TRNT1: variants seen among roughly 807,000 people sequenced by gnomAD.
The protein encoded by TRNT1 is tRNA nucleotidyl transferase 1, also known as CCA tRNA nucleotidyltransferase 1, mitochondrial.
Under a neutral mutation model 45.6 loss-of-function variants are expected in TRNT1, and 44 were observed. The observed-to-expected ratio is 0.97, with a 90% CI of 0.76 to 1.24. The LOEUF (loss-of-function observed/expected upper bound fraction) is 1.24. Among genes scored for constraint, TRNT1 ranks in the 50% most tolerant of loss-of-function variants. TRNT1 has a pLI of 0.00. For missense variants in TRNT1, 633 were observed against 504.4 expected (o/e 1.25, Z -2.44); for synonymous variants, 201 against 171.4 (o/e 1.17, Z -1.35).
downstream of TRNT1, chr3:3,150,443 G>T (rs1186399046): frequency 6.0e-6 from 1 of 166,376 alleles, no homozygotes; most frequent in African/African-American, 2.4e-5. Context: ...GTTATTTAGA[G>T]CACTGGTACA....
rs955065025 is a variant in TRNT1, at chr3:3,148,706, C to G, written c.*552C>G. The stretch of plus-strand genomic sequence containing the variant: ...ACAGGATTTGTTCTAGCAAGCTATG[C>G]TTCAGTATGTGGTTGATATTTTTCT... On this transcript the variant is annotated 3_prime_UTR_variant, in exon 8 of 8. Coordinates refer to ENST00000251607, the MANE Select transcript of TRNT1 (RefSeq NM_182916.3). The G allele has an allele frequency of 1.3e-5, 2 of 152,204 alleles. No homozygotes were observed. Among genetic ancestry groups the G allele is most frequent in the Non-Finnish European group, 2.9e-5 (2 of 68,060 alleles). The allele number at this position is 152,204 out of a possible 1,614,324, so 9.4% of individuals were successfully genotyped here.
intron 3 of TRNT1, among the ~76,000 whole-genome samples, chr3:3,137,850 GT>G (rs1303487907): frequency 6.6e-6 from 1 of 152,230 alleles, no homozygotes; most frequent in East Asian, 1.9e-4. Flanking sequence ...CAGGGTTCAC[GT>G]TTATGACTCT....
At chr3:3,149,029 T>G (rs1269045147), downstream of TRNT1, 14 of 152,084 alleles carry the variant, frequency 9.2e-5, no homozygotes, top group Non-Finnish European at 1.8e-4. Flanking sequence ...ACAAACTGTT[T>G]ATTTCAGCTG....
intron 2 of TRNT1, chr3:3,130,227 T>C: frequency 2.4e-6 from 1 of 415,554 alleles, no homozygotes; most frequent in African/African-American, 2.0e-5. Context: ...CCTGGGGAGC[T>C]TTTAAAGCAC....
At position 3,147,616 on chromosome 3, in the gene TRNT1, CTTAT is replaced by C. The variant is rs1249830698; in HGVS notation, c.974_977del (p.Phe325Ter). 2 of 1,613,798 alleles carry C rather than the reference CTTAT, an allele frequency of 1.2e-6. No homozygotes were observed. Among genetic ancestry groups the C allele is most frequent in the Non-Finnish European group, 1.7e-6 (2 of 1,179,824 alleles). On this transcript the variant is annotated frameshift_variant, in exon 7 of 8. Transcript: ENST00000251607. LOFTEE classifies it high-confidence loss of function. The stretch of plus-strand genomic sequence containing the variant: ...TCGCAAAAGAGGAGAAAAACCTTGG[CTTAT>C]TTATAGTTAAAAATAGGAAAGATTT...
chr3:3,138,950 C>G (rs1231645305), intron 3 of TRNT1, among the ~76,000 whole-genome samples: 2 of 152,114 alleles, frequency 1.3e-5, no homozygotes, highest in Non-Finnish European at 2.9e-5. Flanking sequence ...ACTGGGACTC[C>G]CAGTCTAAGT....
In TRNT1 at chr3:3,146,509, T is replaced by G; in HGVS notation, c.688T>G (p.Leu230Val). 1 of 1,614,074 alleles carries G rather than the reference T, an allele frequency of 6.2e-7. No individual in the cohort carries two copies. Among genetic ancestry groups the G allele is most frequent in the Non-Finnish European group, 8.5e-7 (1 of 1,179,984 alleles). The change falls in exon 6 of 8, where the codon TTG becomes GTG. Residue 230 changes from leucine (L) to valine (V), a missense_variant. Coordinates refer to ENST00000251607, the MANE Select transcript of TRNT1 (RefSeq NM_182916.3). ...AGCAATTGCAGAAAATGCAAAAGGC[T>G]TGGCTGGAATATCAGGAGAAAGGAT... is the stretch of plus-strand genomic sequence containing the variant. ...LEAIAENAKG[L>V]AGISGERIWV...
In TRNT1 at chr3:3,147,917, T is replaced by G; in HGVS notation, c.1068T>G (p.Pro356=). 1 of 1,612,136 alleles carries G rather than the reference T, an allele frequency of 6.2e-7. No homozygotes were observed. The highest frequency in any genetic ancestry group is 2.2e-5 in the East Asian group (1 of 44,862). Residue 356 remains proline (P), a synonymous_variant, in exon 8 of 8, where the codon CCT becomes CCG. Transcript: ENST00000251607. ...YQDFIIDSRE[P]DATTRVCELL... is the part of the protein sequence containing the mutation. ...ATTTTGACACGTAGTCTAGGGAACC[T>G]GATGCAACTACTCGTGTATGTGAAC...
At chr3:3,151,891 T>TATCA (rs1438823782), downstream of TRNT1, among the ~76,000 whole-genome samples, 2 of 152,220 alleles carry the variant, frequency 1.3e-5, no homozygotes, top group Non-Finnish European at 2.9e-5. Context: ...CTTCTTAGTC[T>TATCA]ATCATTGCTT....
At chr3:3,150,745 TTA>T (rs527646628), downstream of TRNT1, 79 of 956,698 alleles carry the variant, frequency 8.3e-5, no homozygotes, top group African/African-American at 1.2e-3. Flanking sequence ...CCAAGTAATG[TTA>T]TGTTTACTTA....
chr3:3,139,939 G>A (rs1053967075), intron 3 of TRNT1, among the ~76,000 whole-genome samples: 5 of 152,106 alleles, frequency 3.3e-5, no homozygotes, highest in Admixed American at 2.0e-4. Flanking sequence ...ATCTTGCCCA[G>A]GCTGGTCTTG....
chr3:3,141,400 T>C (rs1269715888), intron 4 of TRNT1, among the ~76,000 whole-genome samples: 1 of 152,228 alleles, frequency 6.6e-6, no homozygotes, highest in Non-Finnish European at 1.5e-5. Context: ...TGCATGTTTA[T>C]TCAATCTTTC....
chr3:3,129,202 A>G lies in TRNT1; in HGVS notation c.148+14A>G, dbSNP rs374743708. On this transcript the variant is annotated intron_variant, in intron 2 of 7. Coordinates refer to ENST00000251607, the MANE Select transcript of TRNT1 (RefSeq NM_182916.3). The stretch of plus-strand genomic sequence containing the variant: ...AGAGTCTGACAGGTGAGAGATTAGG[A>G]TACCTTTTCTTGATTGGAAACCTAT... 3.9e-4 allele frequency: 625 copies of G among 1,612,948 alleles called. No individual in the cohort carries two copies. The highest frequency in any genetic ancestry group is 4.9e-4 in the Non-Finnish European group (575 of 1,179,234).
intron 4 of TRNT1, among the ~76,000 whole-genome samples, chr3:3,142,320 G>A (rs1306181370): frequency 6.6e-6 from 1 of 152,150 alleles, no homozygotes; most frequent in African/African-American, 2.4e-5. Flanking sequence ...GTCAGGCACT[G>A]TTCTGAGCAC....
chr3:3,142,854 T>C (rs1705742152), intron 4 of TRNT1, among the ~76,000 whole-genome samples: 1 of 152,178 alleles, frequency 6.6e-6, no homozygotes, highest in Non-Finnish European at 1.5e-5. Flanking sequence ...TTACATATTT[T>C]CTTTTTATCA....
At chr3:3,137,571 G>T in intron 3 of TRNT1, 118 bp downstream of exon 3, 1 of 844,514 alleles carries the variant, frequency 1.2e-6, no homozygotes, top group Non-Finnish European at 1.8e-6. Context: ...TCTCTTCTAT[G>T]CCCGTCATAA....
chr3:3,135,955 A>G lies in TRNT1; in HGVS notation c.149-1305A>G, dbSNP rs935007648. 5.3e-5 allele frequency among the ~76,000 whole-genome samples: 8 copies of G among 152,160 alleles called. No individual in the cohort carries two copies. In the East Asian group the frequency reaches 9.6e-4, roughly 18 times the overall value. ...ATAGGAGTTGGGCTTGTATTGGGTC[A>G]TTTTGGAGAGCATTTAAGGTAGTAG... On this transcript the variant is annotated intron_variant, in intron 2 of 7. Transcript: ENST00000251607.
In TRNT1 at chr3:3,145,996, A is replaced by G. The variant is rs57808283; in HGVS notation, c.609-434A>G. On this transcript the variant is annotated intron_variant, in intron 5 of 7. Coordinates refer to ENST00000251607, the MANE Select transcript of TRNT1 (RefSeq NM_182916.3). ...TTTCCTTGAAAGTACTAATGTGTAC[A>G]GACAGGCAAGCTTTGAGGAATTCAG... Among the ~76,000 whole-genome samples, 1,084 of 151,280 alleles carry G rather than the reference A, an allele frequency of 7.2e-3. 5 individuals are homozygous for G. The highest frequency in any genetic ancestry group is 0.018 in the African/African-American group (742 of 41,150).
At chr3:3,151,193 C>T (rs1200229287), downstream of TRNT1, 2 of 811,592 alleles carry the variant, frequency 2.5e-6, no homozygotes, top group African/African-American at 1.8e-5. Flanking sequence ...TTCCCTGAAA[C>T]CTAAAAACAT....
Sources: gnomAD v4.1 joint callset for allele counts (sites outside exome capture counted in the v4.1 genomes callset) on GRCh38, gnomAD v4.1.1 for gene constraint, MANE v1.5 for transcripts, NCBI Gene and HGNC (gene_info 2026-07-23, HGNC 2026-07-21) for gene names.